Variants in BAZ2B observed in about 807,000 individuals in gnomAD.
BAZ2B encodes the protein bromodomain adjacent to zinc finger domain 2B.
BAZ2B carries 91 observed loss-of-function variants against 246.0 expected under a neutral mutation model. The observed-to-expected ratio is 0.37, with a 90% confidence interval of 0.31 to 0.44. The LOEUF (loss-of-function observed/expected upper bound fraction) is 0.44, where lower values mean the gene tolerates loss of function less well. BAZ2B is among the 20% of genes least tolerant of loss of function. The pLI is 1.00. For synonymous variants in BAZ2B, 855 were observed against 860.0 expected (o/e 0.99, Z 0.10); for missense variants, 2,332 against 2,533.7 (o/e 0.92, Z 1.71).
chr2:159,371,133 T>A (rs1189711377), intron 27 of BAZ2B, among the ~76,000 whole-genome samples: 1 of 151,460 alleles, frequency 6.6e-6, no homozygotes, highest in Non-Finnish European at 1.5e-5. Flanking sequence ...TTGTTATGTA[T>A]GTATATATGT....
chr2:159,611,383 C>T (rs1425856300), intron 1 of BAZ2B, among the ~76,000 whole-genome samples: 1 of 151,812 alleles, frequency 6.6e-6, no homozygotes, highest in Non-Finnish European at 1.5e-5. Flanking sequence ...AATATTGAGT[C>T]ATAGTCAAAG....
chr2:159,600,977 A>T (rs980018352), intron 1 of BAZ2B, among the ~76,000 whole-genome samples: 3 of 151,824 alleles, frequency 2.0e-5, no homozygotes, highest in Non-Finnish European at 4.4e-5. Context: ...AGGATTACAG[A>T]GAGTCATTCT....
At chr2:159,632,443 T>G in the BAZ2B span, among the ~76,000 whole-genome samples, 10 of 152,338 alleles carry the variant, frequency 6.6e-5, no homozygotes, top group African/African-American at 2.4e-4. Context: ...AAAATAAATT[T>G]AAATTTATTT....
intron 6 of BAZ2B, among the ~76,000 whole-genome samples, chr2:159,440,488 G>A (rs866342373): frequency 3.3e-5 from 5 of 149,352 alleles, no homozygotes; most frequent in African/African-American, 9.9e-5. Flanking sequence ...AGTCACTCCC[G>A]CCATTATATT....
At chr2:159,697,619 C>T in the BAZ2B span, among the ~76,000 whole-genome samples, 2 of 152,052 alleles carry the variant, frequency 1.3e-5, no homozygotes, top group African/African-American at 4.8e-5. Flanking sequence ...CAGTCTATAA[C>T]AATTTTGGCT....
chr2:159,574,256 G>A (rs971732937), intron 1 of BAZ2B, among the ~76,000 whole-genome samples: 4 of 149,950 alleles, frequency 2.7e-5, no homozygotes, highest in African/African-American at 9.8e-5. Flanking sequence ...CATAAGAAAA[G>A]ATGCTCAATA....
chr2:159,368,741 G>T (rs2060487946), intron 27 of BAZ2B, among the ~76,000 whole-genome samples: 1 of 151,306 alleles, frequency 6.6e-6, no homozygotes, highest in South Asian at 2.1e-4. Context: ...TTCATATACA[G>T]CTTATTAATA....
chr2:159,614,673 GTTT>G (rs1367396096), intron 1 of BAZ2B, among the ~76,000 whole-genome samples: 1 of 151,876 alleles, frequency 6.6e-6, no homozygotes, highest in Non-Finnish European at 1.5e-5. Flanking sequence ...TGACGCACAA[GTTT>G]TTTACCATTT....
intron 14 of BAZ2B, among the ~76,000 whole-genome samples, chr2:159,408,673 CT>C (rs1165170869): frequency 6.6e-6 from 1 of 152,152 alleles, no homozygotes; most frequent in African/African-American, 2.4e-5. Context: ...AATCCCAGCA[CT>C]TTGGGAGGCC....
At chr2:159,686,858 T>C in the BAZ2B span, among the ~76,000 whole-genome samples, 242 of 152,072 alleles carry the variant, frequency 1.6e-3, 7 homozygotes, top group East Asian at 0.037. Flanking sequence ...CTGGCTAACA[T>C]GGTGAAACCC....
chr2:159,701,302 GAC>G, the BAZ2B span, among the ~76,000 whole-genome samples: 6 of 152,002 alleles, frequency 3.9e-5, no homozygotes, highest in Non-Finnish European at 8.8e-5. Flanking sequence ...TTTAGTTATA[GAC>G]ACAAACAGAA....
rs545697298 is a variant in BAZ2B at position 159,344,495 on chromosome 2, T to C, written c.5454+2991A>G. 1.3e-4 allele frequency among the ~76,000 whole-genome samples: 20 copies of C among 148,988 alleles called. No individual in the cohort carries two copies. In the South Asian group the frequency reaches 3.6e-3, roughly 27 times the overall value. On this transcript the variant is annotated intron_variant, in intron 31 of 36. Coordinates refer to ENST00000392783, the MANE Select transcript of BAZ2B (RefSeq NM_013450.4). ...GCTGCGGTGAGCTGAGATGGCGCCA[T>C]TGAACTCCAGCCCGGGCAACAAGAG...
intron 27 of BAZ2B, among the ~76,000 whole-genome samples, chr2:159,364,629 C>T (rs2060033225): frequency 6.6e-6 from 1 of 152,180 alleles, no homozygotes; most frequent in African/African-American, 2.4e-5. Flanking sequence ...CTCAGCTTCC[C>T]AAAGTGCTGG....
At chr2:159,639,522 A>C in the BAZ2B span, among the ~76,000 whole-genome samples, 1 of 152,166 alleles carries the variant, frequency 6.6e-6, no homozygotes, top group South Asian at 2.1e-4. Context: ...AAACCACAAA[A>C]AGTTAAAAAG....
At chr2:159,638,514 C>T in the BAZ2B span, among the ~76,000 whole-genome samples, 5 of 152,164 alleles carry the variant, frequency 3.3e-5, no homozygotes, top group African/African-American at 1.2e-4. Context: ...ACAGATAAGT[C>T]ATTCAGAATT....
intron 13 of BAZ2B, among the ~76,000 whole-genome samples, chr2:159,424,213 G>T (rs2069339290): frequency 1.3e-5 from 2 of 151,864 alleles, no homozygotes; most frequent in Non-Finnish European, 2.9e-5. Flanking sequence ...AAAAATTAAA[G>T]ATTTTATCTT....
the BAZ2B span, among the ~76,000 whole-genome samples, chr2:159,652,499 C>T: frequency 1.1e-4 from 17 of 151,814 alleles, no homozygotes; most frequent in South Asian, 4.2e-4. Context: ...CGTGAGCCAC[C>T]GCGCCTGGCC....
chr2:159,694,058 T>G, the BAZ2B span: 1 of 152,278 alleles, frequency 6.6e-6, no homozygotes, highest in East Asian at 1.9e-4. Context: ...AGAATGTGAT[T>G]GAATTTGGAG....
In BAZ2B at chr2:159,478,604, G is replaced by C. The variant is rs370174474; in HGVS notation, c.116C>G (p.Ala39Gly). 3.5e-5 allele frequency: 57 copies of C among 1,611,286 alleles called. No homozygotes were observed. Among genetic ancestry groups the C allele is most frequent in the Non-Finnish European group, 4.7e-5 (55 of 1,178,578 alleles). ...VSKGGLSTGV[A>G]SLSSTINPCG... The stretch of plus-strand genomic sequence containing the variant: ...TGGGTTGATTGTAGAGCTAAGTGAA[G>C]CAACTCCAGTGGAAAGGCCACCTTT... Residue 39 changes from alanine (A) to glycine (G), a missense_variant, in exon 3 of 37, where the codon GCT becomes GGT. Coordinates refer to ENST00000392783, the MANE Select transcript of BAZ2B (RefSeq NM_013450.4).
Sources: gnomAD v4.1 joint callset for allele counts (sites outside exome capture counted in the v4.1 genomes callset) on GRCh38, gnomAD v4.1.1 for gene constraint, MANE v1.5 for transcripts, NCBI Gene and HGNC (gene_info 2026-07-23, HGNC 2026-07-21) for gene names.